Variants in CRYL1 observed in about 807,000 individuals in gnomAD.
CRYL1 encodes lambda-crystallin homolog.
Under a neutral mutation model 36.6 loss-of-function variants are expected in CRYL1, and 29 were observed. The ratio of observed to expected loss-of-function variants is 0.79; its 90% CI spans 0.59 to 1.08. CRYL1 has a LOEUF of 1.08. Ranked by LOEUF, CRYL1 falls within the 50% of genes least tolerant of loss-of-function variation. The pLI is 0.00. For synonymous variants in CRYL1, 152 were observed against 151.5 expected (o/e 1.00, Z -0.02); for missense variants, 411 against 407.9 (o/e 1.01, Z -0.06).
intron 6 of CRYL1, among the ~76,000 whole-genome samples, chr13:20,409,723 G>T (rs2031470849): frequency 6.6e-6 from 1 of 151,754 alleles, no homozygotes; most frequent in African/African-American, 2.4e-5. Flanking sequence ...GTGGGCGAAG[G>T]ACATGAACAG....
intron 2 of CRYL1, among the ~76,000 whole-genome samples, chr13:20,501,171 C>T (rs2033697225): frequency 6.6e-6 from 1 of 152,216 alleles, no homozygotes; most frequent in African/African-American, 2.4e-5. Context: ...CTCATCATTT[C>T]AGTCATTGGC....
At chr13:20,480,634 C>T (rs547086955) in intron 3 of CRYL1, among the ~76,000 whole-genome samples, 85 of 152,294 alleles carry the variant, frequency 5.6e-4, no homozygotes, top group African/African-American at 1.9e-3. Context: ...CTGCAGGTCC[C>T]ACGATGTCTG....
In CRYL1 at chr13:20,404,888, G is replaced by A. The variant is rs7331073; in HGVS notation, c.740-147C>T. ...CCTGTGAAGACAAGACAGAGCTGGG[G>A]CATGTGTAAGGGCCTGCTGGCACTG... On this transcript the variant is annotated intron_variant, in intron 6 of 7. Coordinates refer to ENST00000298248, the MANE Select transcript of CRYL1 (RefSeq NM_015974.3). 462,872 of 627,394 alleles carry A rather than the reference G, an allele frequency of 0.74. 171,667 individuals carry two copies. Among genetic ancestry groups the A allele is most frequent in the South Asian group, 0.77 (41,696 of 54,246 alleles). 38.9% of individuals were successfully genotyped at this position (627,394 alleles called of 1,614,324 possible).
chr13:20,488,716 T>C (rs539145174), intron 3 of CRYL1, among the ~76,000 whole-genome samples: 1 of 152,360 alleles, frequency 6.6e-6, no homozygotes, highest in South Asian at 2.1e-4. Flanking sequence ...TAGCAGTAAG[T>C]GCAGCCTTTG....
At chr13:20,501,368 C>G (rs991540928) in intron 2 of CRYL1, among the ~76,000 whole-genome samples, 1 of 152,326 alleles carries the variant, frequency 6.6e-6, no homozygotes, top group African/African-American at 2.4e-5. Flanking sequence ...CTGAGCCACA[C>G]TGGACCCCTC....
intron 1 of CRYL1, among the ~76,000 whole-genome samples, chr13:20,517,414 G>T (rs1208520885): frequency 6.6e-6 from 1 of 151,886 alleles, no homozygotes; most frequent in African/African-American, 2.4e-5. Context: ...GGCCAAAACG[G>T]TGAAACTCTG....
intron 3 of CRYL1, among the ~76,000 whole-genome samples, chr13:20,442,728 T>C (rs1234205382): frequency 6.6e-6 from 1 of 152,208 alleles, no homozygotes; most frequent in East Asian, 1.9e-4. Flanking sequence ...CAGCTTGACT[T>C]TGCTTAATTA....
At chr13:20,414,325 G>A (rs981823036) in intron 5 of CRYL1, among the ~76,000 whole-genome samples, 8 of 151,946 alleles carry the variant, frequency 5.3e-5, no homozygotes, top group Admixed American at 5.2e-4. Context: ...AATCTACTAG[G>A]GGTTGAAATC....
rs1426366017 is a variant in CRYL1 at position 20,415,771 on chromosome 13, G to A, written c.634-2384C>T. ...GGCTTTCCCGCTTTTCAGACTGGCCGCCCGTGTTCACATTCCTCAGCTGCA... is the reference window on the plus strand; with the variant it reads ...GGCTTTCCCGCTTTTCAGACTGGCCACCCGTGTTCACATTCCTCAGCTGCA... On this transcript the variant is annotated intron_variant, in intron 5 of 7. Transcript: ENST00000298248. The surrounding 1 kb of genome is among the most constrained non-coding windows in gnomAD (Gnocchi z 4.1). Among the ~76,000 whole-genome samples, 1 of 152,206 alleles carries A rather than the reference G, an allele frequency of 6.6e-6. No homozygotes were observed. Among genetic ancestry groups the A allele is most frequent in the Non-Finnish European group, 1.5e-5 (1 of 68,032 alleles).
intron 3 of CRYL1, among the ~76,000 whole-genome samples, chr13:20,442,390 A>C (rs1278451687): frequency 6.6e-6 from 1 of 152,226 alleles, no homozygotes; most frequent in Non-Finnish European, 1.5e-5. Flanking sequence ...GATGCTGTCC[A>C]TGTCACAACT....
chr13:20,405,355 C>T (rs536208555), intron 6 of CRYL1, among the ~76,000 whole-genome samples: 2 of 152,100 alleles, frequency 1.3e-5, no homozygotes, highest in Non-Finnish European at 2.9e-5. Context: ...GGTTGGCCTG[C>T]GTTCACACAC....
chr13:20,439,500 AC>A (rs2032303266), intron 4 of CRYL1, 92 bp downstream of exon 4: 4 of 636,634 alleles, frequency 6.3e-6, no homozygotes, highest in East Asian at 8.5e-5. Flanking sequence ...CAAGTTATTG[AC>A]CCCCCTCCCC....
intron 4 of CRYL1, among the ~76,000 whole-genome samples, chr13:20,437,330 T>C (rs540972626): frequency 1.3e-4 from 20 of 149,478 alleles, no homozygotes; most frequent in Non-Finnish European, 2.4e-4. Flanking sequence ...TTTTTTGAGA[T>C]GGAGTCTCGC....
At chr13:20,431,384 T>A (rs756512185) in intron 5 of CRYL1, 11 of 985,150 alleles carry the variant, frequency 1.1e-5, no homozygotes, top group Non-Finnish European at 1.3e-5. Context: ...GTGGGCAGAG[T>A]CTTGCCTTCC....
intron 3 of CRYL1, among the ~76,000 whole-genome samples, chr13:20,460,548 C>T (rs1214435254): frequency 2.8e-5 from 3 of 108,350 alleles, no homozygotes; most frequent in South Asian, 3.0e-4. Context: ...TTTTTTGAGA[C>T]GGAGTCTCGC....
intron 2 of CRYL1, among the ~76,000 whole-genome samples, chr13:20,495,472 A>G (rs2033588875): frequency 6.6e-6 from 1 of 152,176 alleles, no homozygotes; most frequent in South Asian, 2.1e-4. Flanking sequence ...TTTGAAATGT[A>G]CTCAAAAGGA....
chr13:20,506,995 A>G (rs1267781681), intron 2 of CRYL1, among the ~76,000 whole-genome samples: 1 of 152,192 alleles, frequency 6.6e-6, no homozygotes, highest in Non-Finnish European at 1.5e-5. Context: ...ATAACAGTGA[A>G]TAAGTCTCAC....
At chr13:20,427,030 C>G in intron 5 of CRYL1, 3 of 985,538 alleles carry the variant, frequency 3.0e-6, no homozygotes, top group Non-Finnish European at 3.6e-6. Flanking sequence ...AGATTCATTC[C>G]CAGGCACCTC....
intron 3 of CRYL1, among the ~76,000 whole-genome samples, chr13:20,456,075 T>A (rs530135803): frequency 6.6e-5 from 10 of 152,210 alleles, no homozygotes; most frequent in African/African-American, 2.4e-4. Flanking sequence ...ATATTTTCCA[T>A]GAAATTAATT....
Sources: gnomAD v4.1 joint callset for allele counts (sites outside exome capture counted in the v4.1 genomes callset) on GRCh38, gnomAD v4.1.1 for gene constraint, Gnocchi (gnomAD v3.1) non-coding constraint, MANE v1.5 for transcripts, NCBI Gene and HGNC (gene_info 2026-07-23, HGNC 2026-07-21) for gene names.